Variants in GRM7 observed in about 807,000 individuals in gnomAD.
GRM7 encodes the protein metabotropic glutamate receptor 7.
Under a neutral mutation model 84.5 loss-of-function variants are expected in GRM7, and 35 were observed. That is an observed-to-expected ratio of 0.41 (90% CI 0.32 to 0.55). The LOEUF is 0.55. GRM7 is among the 20% of genes least tolerant of loss of function. The pLI, the probability that GRM7 is intolerant of heterozygous loss-of-function variation, is 0.19. For synonymous variants in GRM7, 487 were observed against 455.1 expected (o/e 1.07, Z -0.89); for missense variants, 1,003 against 1,194.6 (o/e 0.84, Z 2.36).
chr3:7,285,487 T>C (rs543970568), intron 2 of GRM7, among the ~76,000 whole-genome samples: 3 of 152,058 alleles, frequency 2.0e-5, no homozygotes, highest in Non-Finnish European at 4.4e-5. Flanking sequence ...CCTCCCAAAT[T>C]AGTGTGCCTT....
intron 1 of GRM7, among the ~76,000 whole-genome samples, chr3:6,927,655 A>G (rs1302351751): frequency 6.6e-6 from 1 of 152,188 alleles, no homozygotes; most frequent in African/African-American, 2.4e-5. Context: ...ATTTATGTTC[A>G]TATGCATATG....
rs71043684 is a variant in GRM7, at chr3:7,645,546, T to TAAA, written c.2452-34480_2452-34478dup. Reference sequence around the variant, plus strand: ...TGGGTGACAGAGCAAGACTCCATCTTAAAAAAAAAAAAAAAAAAAAAAAAA... The same window carrying TAAA: ...TGGGTGACAGAGCAAGACTCCATCTTAAAAAAAAAAAAAAAAAAAAAAAAAAAA... On this transcript the variant is annotated intron_variant, in intron 8 of 9. Coordinates refer to ENST00000357716, the MANE Select transcript of GRM7 (RefSeq NM_000844.4). 1.8e-3 allele frequency among the ~76,000 whole-genome samples: 156 copies of TAAA among 87,764 alleles called. 1 individual carries two copies. Among genetic ancestry groups the TAAA allele is most frequent in the South Asian group, 6.8e-3 (15 of 2,218 alleles). 57.6% of individuals were successfully genotyped at this position (87,764 alleles called of 152,430 possible). A position where few individuals can be genotyped will look rare whatever the true frequency, so the allele number is the denominator to read the frequency against.
intron 1 of GRM7, among the ~76,000 whole-genome samples, chr3:6,933,520 T>C (rs955499086): frequency 2.0e-5 from 3 of 152,188 alleles, no homozygotes; most frequent in African/African-American, 7.2e-5. Flanking sequence ...CAACTCCTAT[T>C]GTATTTGAAA....
At chr3:7,665,491 A>G (rs543935060) in intron 8 of GRM7, among the ~76,000 whole-genome samples, 1 of 152,136 alleles carries the variant, frequency 6.6e-6, no homozygotes, top group Non-Finnish European at 1.5e-5. Context: ...ATGATTCTTA[A>G]TAGGAAATAT....
chr3:7,723,648 A>G (rs1702026873), intron 9 of GRM7, among the ~76,000 whole-genome samples: 2 of 152,104 alleles, frequency 1.3e-5, no homozygotes, highest in African/African-American at 4.8e-5. Flanking sequence ...CAAGATTTCA[A>G]CACGAGCCTC....
intron 9 of GRM7, among the ~76,000 whole-genome samples, chr3:7,722,810 G>A (rs1436363120): frequency 1.3e-5 from 2 of 151,966 alleles, no homozygotes; most frequent in African/African-American, 4.8e-5. Flanking sequence ...CTGAATTAGA[G>A]ACAGGGTCTC....
intron 1 of GRM7, among the ~76,000 whole-genome samples, chr3:7,002,765 A>G (rs1357706635): frequency 6.6e-6 from 1 of 152,196 alleles, no homozygotes; most frequent in Non-Finnish European, 1.5e-5. Context: ...TGAAAGCAGT[A>G]TGCTGAAGAG....
At chr3:7,206,716 T>C (rs1386752748) in intron 2 of GRM7, among the ~76,000 whole-genome samples, 2 of 152,010 alleles carry the variant, frequency 1.3e-5, no homozygotes, top group African/African-American at 4.8e-5. Flanking sequence ...AAGTTAGAGG[T>C]GTTGGTAGCA....
intron 1 of GRM7, among the ~76,000 whole-genome samples, chr3:7,041,504 C>T (rs1333150177): frequency 4.6e-5 from 7 of 152,158 alleles, no homozygotes; most frequent in Admixed American, 1.3e-4. Flanking sequence ...GAACATACCA[C>T]AATTTGTTTA....
At position 7,443,871 on chromosome 3, in the gene GRM7, T is replaced by C. The variant is rs77370182; in HGVS notation, c.1175-8736T>C. 3.1e-3 allele frequency among the ~76,000 whole-genome samples: 477 copies of C among 152,304 alleles called. 2 individuals are homozygous for C. The highest frequency in any genetic ancestry group is 0.02 in the East Asian group (105 of 5,184). ...GACATTTTCCTTTCTACTCTGAAAA[T>C]TTATGTTTTTGTGAAGATTTTTGTT... On this transcript the variant is annotated intron_variant, in intron 5 of 9. Transcript: ENST00000357716.
chr3:7,468,532 C>T (rs1343343333), intron 7 of GRM7, among the ~76,000 whole-genome samples: 2 of 152,084 alleles, frequency 1.3e-5, no homozygotes, highest in Non-Finnish European at 2.9e-5. Flanking sequence ...AGTAAATGTT[C>T]AGCAAATGTT....
chr3:7,179,287 G>A (rs528671270), intron 2 of GRM7, among the ~76,000 whole-genome samples: 1 of 152,266 alleles, frequency 6.6e-6, no homozygotes, highest in African/African-American at 2.4e-5. Flanking sequence ...GCAAGTGGAA[G>A]CATCTAAAAT....
chr3:7,722,940 G>C (rs1702003432), intron 9 of GRM7, among the ~76,000 whole-genome samples: 1 of 152,152 alleles, frequency 6.6e-6, no homozygotes, highest in Non-Finnish European at 1.5e-5. Flanking sequence ...CTCCAGAAAA[G>C]TTGTGAAGCA....
chr3:7,315,603 T>C (rs1170820672), intron 4 of GRM7, among the ~76,000 whole-genome samples: 1 of 152,150 alleles, frequency 6.6e-6, no homozygotes, highest in Non-Finnish European at 1.5e-5. Flanking sequence ...ATACAATAAT[T>C]TGTGAATAAA....
intron 1 of GRM7, among the ~76,000 whole-genome samples, chr3:6,934,945 A>C (rs747760146): frequency 2.6e-5 from 4 of 152,226 alleles, no homozygotes; most frequent in Non-Finnish European, 4.4e-5. Context: ...TCCCTCTTCA[A>C]GGTTCTCAGT....
At chr3:7,145,680 C>G (rs1351917681) in intron 1 of GRM7, among the ~76,000 whole-genome samples, 1 of 151,990 alleles carries the variant, frequency 6.6e-6, no homozygotes, top group Non-Finnish European at 1.5e-5. Context: ...AGTTCTAGAG[C>G]TCTTCAGGAC....
rs558753715 is a variant in GRM7, at chr3:7,294,171, C to T, written c.737-4513C>T. ...ACACATCCGTTCCCCTAGTGTACAC[C>T]GGGTGAGCCCTCAATCCATGTTTGC... On this transcript the variant is annotated intron_variant, in intron 2 of 9. Coordinates refer to ENST00000357716, the MANE Select transcript of GRM7 (RefSeq NM_000844.4). Among the ~76,000 whole-genome samples the T allele has an allele frequency of 5.3e-5, 8 of 152,236 alleles. No homozygotes were observed. In the South Asian group the frequency reaches 1.2e-3, roughly 24 times the overall value.
chr3:7,124,776 A>T (rs968886490), intron 1 of GRM7, among the ~76,000 whole-genome samples: 3 of 152,114 alleles, frequency 2.0e-5, no homozygotes, highest in African/African-American at 7.2e-5. Context: ...AAGAAAATGG[A>T]CCCAAGAAAG....
chr3:7,107,353 C>T (rs1036234794), intron 1 of GRM7, among the ~76,000 whole-genome samples: 2 of 152,008 alleles, frequency 1.3e-5, no homozygotes, highest in African/African-American at 4.8e-5. Flanking sequence ...ACAGTAAAGT[C>T]TAGACTGGTT....
Sources: gnomAD v4.1 joint callset for allele counts (sites outside exome capture counted in the v4.1 genomes callset) on GRCh38, gnomAD v4.1.1 for gene constraint, MANE v1.5 for transcripts, NCBI Gene and HGNC (gene_info 2026-07-23, HGNC 2026-07-21) for gene names.